GTF3C6: variants seen among roughly 807,000 people sequenced by gnomAD.
GTF3C6 encodes the protein general transcription factor IIIC subunit 6, also known as general transcription factor 3C polypeptide 6.
Under a neutral mutation model 19.2 loss-of-function variants are expected in GTF3C6, and 11 were observed. The observed-to-expected ratio is 0.57, with a 90% CI of 0.36 to 0.95. The LOEUF is 0.95. Among genes scored for constraint, GTF3C6 ranks in the 40% least tolerant of loss-of-function variants. The pLI is 0.01. For missense variants in GTF3C6, 222 were observed against 254.7 expected, an observed-to-expected ratio of 0.87 and a Z score of 0.87; for synonymous variants, 87 against 84.2, an observed-to-expected ratio of 1.03 and a Z score of -0.18.
chr6:110,961,117 T>C (rs969245123), intron 4 of GTF3C6, among the ~76,000 whole-genome samples: 1 of 151,882 alleles, frequency 6.6e-6, no homozygotes, highest in Non-Finnish European at 1.5e-5. Flanking sequence ...CAAACTTACT[T>C]CTTTCCCTCT....
At chr6:110,964,170 C>G (rs1320506504) in intron 5 of GTF3C6, among the ~76,000 whole-genome samples, 2 of 151,846 alleles carry the variant, frequency 1.3e-5, no homozygotes, top group Admixed American at 1.3e-4. Flanking sequence ...TGCCCCCCAT[C>G]CCCCTACCTC....
chr6:110,965,417 G>A (rs1430950309), intron 5 of GTF3C6, among the ~76,000 whole-genome samples: 1 of 150,960 alleles, frequency 6.6e-6, no homozygotes, highest in East Asian at 2.0e-4. Context: ...CAACATATTT[G>A]AAACTCTAGT....
intron 2 of GTF3C6, among the ~76,000 whole-genome samples, chr6:110,959,763 G>C (rs557315576): frequency 6.6e-6 from 1 of 152,104 alleles, no homozygotes; most frequent in East Asian, 1.9e-4. Flanking sequence ...TTCGAGACCA[G>C]CCTGGCCAAC....
At chr6:110,962,367 A>G in intron 4 of GTF3C6, 25 bp from the exon 5 acceptor site, 1 of 1,207,606 alleles carries the variant, frequency 8.3e-7, no homozygotes, top group African/African-American at 1.5e-5. Flanking sequence ...AAGAAGTATA[A>G]TAATGTTGTT....
chr6:110,966,876 C>T (rs1771236536), intron 5 of GTF3C6, among the ~76,000 whole-genome samples: 1 of 151,988 alleles, frequency 6.6e-6, no homozygotes, highest in African/African-American at 2.4e-5. Flanking sequence ...GACTAATAAC[C>T]AGGCGCAGTG....
chr6:110,960,307 C>A, intron 2 of GTF3C6, 107 bp from the exon 3 acceptor site: 1 of 896,980 alleles, frequency 1.1e-6, no homozygotes, highest in Non-Finnish European at 1.7e-6. Context: ...ACAAGATGCT[C>A]TAGAGGTTCC....
At position 110,958,761 on chromosome 6, in the gene GTF3C6, C is replaced by T. The variant is rs375971256; in HGVS notation, c.-9C>T. On this transcript the variant is annotated 5_prime_UTR_variant, in exon 1 of 6. Coordinates refer to ENST00000329970, the MANE Select transcript of GTF3C6 (RefSeq NM_138408.4). ...GGCCAGTGACTAGAAGGCGAGGCGCCGCGGGACCATGGCGGCGGCGGCGGA... is the reference window on the plus strand; with the variant it reads ...GGCCAGTGACTAGAAGGCGAGGCGCTGCGGGACCATGGCGGCGGCGGCGGA... 145 of 1,550,778 alleles carry T rather than the reference C, an allele frequency of 9.4e-5. No homozygotes were observed. In the African/African-American group the frequency reaches 1.8e-3, roughly 19 times the overall value.
At chr6:110,965,896 T>C (rs566426314) in intron 5 of GTF3C6, among the ~76,000 whole-genome samples, 10 of 152,320 alleles carry the variant, frequency 6.6e-5, no homozygotes, top group Non-Finnish European at 1.5e-4. Flanking sequence ...GGGAGCAGTT[T>C]AGGTAGGTGG....
At chr6:110,959,764 C>T (rs1358612425) in intron 2 of GTF3C6, among the ~76,000 whole-genome samples, 1 of 151,952 alleles carries the variant, frequency 6.6e-6, no homozygotes, top group Non-Finnish European at 1.5e-5. Flanking sequence ...TCGAGACCAG[C>T]CTGGCCAACA....
At chr6:110,964,802 C>G (rs12199455) in intron 5 of GTF3C6, among the ~76,000 whole-genome samples, 87 of 151,450 alleles carry the variant, frequency 5.7e-4, no homozygotes, top group African/African-American at 2.1e-3. Context: ...CCACCACGCC[C>G]GGCTAATTTT....
At chr6:110,960,338 C>T (rs1445345249) in intron 2 of GTF3C6, 76 bp from the exon 3 acceptor site, 1 of 1,294,678 alleles carries the variant, frequency 7.7e-7, no homozygotes, top group Admixed American at 2.6e-5. Flanking sequence ...AGATTAGTTT[C>T]CTTGGTAGCA....
intron 5 of GTF3C6, among the ~76,000 whole-genome samples, chr6:110,964,375 G>C (rs1256907187): frequency 6.6e-6 from 1 of 151,800 alleles, no homozygotes; most frequent in African/African-American, 2.4e-5. Flanking sequence ...CTCCTGAGTA[G>C]CTGAGACTAC....
chr6:110,960,391 T>TTA, intron 2 of GTF3C6, 23 bp from the exon 3 acceptor site: 1 of 1,547,580 alleles, frequency 6.5e-7, no homozygotes, highest in Non-Finnish European at 8.7e-7. Context: ...GTTTTTTTTT[T>TTA]ATGATCCTTT....
intron 2 of GTF3C6, 47 bp from the exon 3 acceptor site, chr6:110,960,367 C>G (rs376364229): frequency 2.0e-5 from 31 of 1,522,528 alleles, no homozygotes; most frequent in African/African-American, 5.8e-5. Context: ...ATGTTGAAGC[C>G]TTTTTCTAAT....
At chr6:110,965,062 G>A (rs371608986) in intron 5 of GTF3C6, among the ~76,000 whole-genome samples, 3 of 150,900 alleles carry the variant, frequency 2.0e-5, no homozygotes, top group Admixed American at 6.6e-5. Flanking sequence ...TCGAACTCCC[G>A]ACCTCAAGTG....
intron 5 of GTF3C6, among the ~76,000 whole-genome samples, chr6:110,963,425 CTCCT>C (rs1446632903): frequency 6.6e-6 from 1 of 151,012 alleles, no homozygotes; most frequent in African/African-American, 2.4e-5. Context: ...TCTCTCTCTT[CTCCT>C]TCTCCCTCTC....
intron 5 of GTF3C6, among the ~76,000 whole-genome samples, chr6:110,964,835 CTTTTT>C (rs34290194): frequency 7.5e-6 from 1 of 133,308 alleles, no homozygotes. Flanking sequence ...AGTTTTTTTT[CTTTTT>C]TTTTTTTTTG....
chr6:110,962,733 A>T (rs1393137936), intron 5 of GTF3C6, among the ~76,000 whole-genome samples: 1 of 151,556 alleles, frequency 6.6e-6, no homozygotes, highest in Non-Finnish European at 1.5e-5. Flanking sequence ...CTCCTGAGCA[A>T]CAGGGATTAC....
At chr6:110,964,847 T>TG (rs1237496184) in intron 5 of GTF3C6, among the ~76,000 whole-genome samples, 2 of 150,244 alleles carry the variant, frequency 1.3e-5, no homozygotes, top group African/African-American at 2.4e-5. Flanking sequence ...TTTTTTTTTT[T>TG]TTGGAGACGA....
Sources: allele counts gnomAD v4.1 joint callset (sites outside exome capture counted in the v4.1 genomes callset), GRCh38; gene constraint gnomAD v4.1.1; transcripts MANE v1.5; gene names NCBI Gene and HGNC (gene_info 2026-07-23, HGNC 2026-07-21).